ABI3BP: variants seen among roughly 807,000 people sequenced by gnomAD.
ABI3BP encodes the protein target of Nesh-SH3.
In ABI3BP, 216 loss-of-function variants were observed where a neutral mutation model predicts 268.6. The observed-to-expected ratio is 0.80, with a 90% confidence interval of 0.72 to 0.90. The LOEUF (loss-of-function observed/expected upper bound fraction) is 0.90, where lower values mean the gene tolerates loss of function less well. Ranked by LOEUF, ABI3BP falls within the 40% of genes least tolerant of loss-of-function variation. The pLI, the probability that ABI3BP is intolerant of heterozygous loss-of-function variation, is 0.00. For missense variants in ABI3BP, 2,090 were observed against 2,182.4 expected (o/e 0.96, Z 0.84); for synonymous variants, 730 against 730.0 (o/e 1.00, Z 0.00).
At chr3:100,985,078 A>C (rs1259091712) in intron 1 of ABI3BP, among the ~76,000 whole-genome samples, 1 of 151,590 alleles carries the variant, frequency 6.6e-6, no homozygotes, top group East Asian at 1.9e-4. Context: ...ACACAAGTTT[A>C]ATTAGACCTA....
At chr3:100,878,273 T>C (rs1156263307) in intron 6 of ABI3BP, among the ~76,000 whole-genome samples, 3 of 152,188 alleles carry the variant, frequency 2.0e-5, no homozygotes, top group Non-Finnish European at 2.9e-5. Context: ...CACAATTTTA[T>C]AAATACATGT....
At position 100,912,099 on chromosome 3, in the gene ABI3BP, C is replaced by A. The variant is rs926427676; in HGVS notation, c.260-9413G>T. ...TTACTTCCTTAAGAAGAACACCTTCCGTGTCCCAGACAGTGCTGGGGTTGT... is the reference window on the plus strand; with the variant it reads ...TTACTTCCTTAAGAAGAACACCTTCAGTGTCCCAGACAGTGCTGGGGTTGT... On this transcript the variant is annotated intron_variant, in intron 2 of 67. Transcript: ENST00000471714. 3 of 627,786 alleles carry A rather than the reference C, an allele frequency of 4.8e-6. No homozygotes were observed. In the Admixed American group the frequency reaches 6.5e-5, roughly 14 times the overall value. 38.9% of individuals were successfully genotyped at this position (627,786 alleles called of 1,614,324 possible).
intron 15 of ABI3BP, 143 bp from the exon 16 acceptor site, chr3:100,850,877 G>C (rs574214408): frequency 9.8e-6 from 6 of 611,968 alleles, no homozygotes; most frequent in African/African-American, 7.4e-5. Context: ...TTTAAAACTA[G>C]TGATACATCA....
chr3:100,901,892 T>C lies in ABI3BP; in HGVS notation c.328+726A>G, dbSNP rs2050602013. Among the ~76,000 whole-genome samples, 3 of 152,218 alleles carry C rather than the reference T, an allele frequency of 2.0e-5. 1 individual carries two copies. In the South Asian group the frequency reaches 6.2e-4, roughly 32 times the overall value. ...CTTATAGCAATGGTCAGCTATATTA[T>C]TTGATCTGAGAAGAAGTTTTGGTAG... On this transcript the variant is annotated intron_variant, in intron 3 of 67. Transcript: ENST00000471714.
At chr3:100,941,859 G>A (rs950353020) in intron 1 of ABI3BP, among the ~76,000 whole-genome samples, 1 of 152,118 alleles carries the variant, frequency 6.6e-6, no homozygotes, top group African/African-American at 2.4e-5. Context: ...ATACACAGGT[G>A]TCAATTGCAC....
intron 2 of ABI3BP, chr3:100,914,414 G>T (rs1298055768): frequency 8.8e-6 from 4 of 455,396 alleles, no homozygotes; most frequent in Non-Finnish European, 1.8e-5. Flanking sequence ...CATACTAAAG[G>T]TTAAACTACT....
chr3:100,751,748 AC>A (rs970974789), intron 66 of ABI3BP, 74 bp from the exon 67 acceptor site: 1 of 1,417,510 alleles, frequency 7.1e-7, no homozygotes, highest in Non-Finnish European at 9.4e-7. Flanking sequence ...AATCATCATT[AC>A]TGTTTTTGTA....
At chr3:100,959,213 G>A (rs1029283913) in intron 1 of ABI3BP, among the ~76,000 whole-genome samples, 5 of 152,120 alleles carry the variant, frequency 3.3e-5, no homozygotes, top group Non-Finnish European at 7.4e-5. Context: ...AGGCTGGGCC[G>A]GGCGCGGTGG....
chr3:100,824,429 A>G (rs1002871761), intron 36 of ABI3BP, among the ~76,000 whole-genome samples: 1 of 152,164 alleles, frequency 6.6e-6, no homozygotes, highest in Non-Finnish European at 1.5e-5. Flanking sequence ...AGGCAAACAT[A>G]TCTTCAACTC....
intron 55 of ABI3BP, among the ~76,000 whole-genome samples, chr3:100,791,026 A>G (rs2097183898): frequency 6.6e-6 from 1 of 151,890 alleles, no homozygotes; most frequent in African/African-American, 2.4e-5. Context: ...ATTTAAGTTT[A>G]GGTTGTAACT....
At chr3:100,879,426 C>T (rs1345664024) in intron 6 of ABI3BP, among the ~76,000 whole-genome samples, 6 of 152,158 alleles carry the variant, frequency 3.9e-5, no homozygotes, top group African/African-American at 4.8e-5. Flanking sequence ...ACTTAGCGCA[C>T]GTTTTGTTGA....
At chr3:100,867,768 T>C (rs2099068953) in intron 9 of ABI3BP, among the ~76,000 whole-genome samples, 3 of 152,082 alleles carry the variant, frequency 2.0e-5, no homozygotes, top group African/African-American at 7.2e-5. Flanking sequence ...TTGAAAATAT[T>C]TGTGGCAAAA....
chr3:100,993,169 C>T lies in ABI3BP; in HGVS notation c.79+137G>A, dbSNP rs150718724. ...AAAGTAAAAGTTTAAGAGACCCCTT[C>T]ACACATTTGAACTTTGAATCTCTGC... is the stretch of plus-strand genomic sequence containing the variant. On this transcript the variant is annotated intron_variant, in intron 1 of 67. Coordinates refer to ENST00000471714, the MANE Select transcript of ABI3BP (RefSeq NM_001375547.2). 5.1e-4 allele frequency: 304 copies of T among 601,150 alleles called. No homozygotes were observed. The African/African-American group carries it at 5.1e-3, about 10-fold the overall frequency. 37.2% of individuals were successfully genotyped at this position (601,150 alleles called of 1,614,324 possible).
At chr3:100,842,526 C>T (rs569608574) in intron 20 of ABI3BP, among the ~76,000 whole-genome samples, 3 of 152,356 alleles carry the variant, frequency 2.0e-5, no homozygotes, top group South Asian at 2.1e-4. Flanking sequence ...GCGACCACAA[C>T]TGTTCATATG....
chr3:100,806,727 A>C (rs568806677), intron 50 of ABI3BP, among the ~76,000 whole-genome samples: 1 of 152,060 alleles, frequency 6.6e-6, no homozygotes, highest in Non-Finnish European at 1.5e-5. Flanking sequence ...CTCTCATTAC[A>C]GTCTGGCAGC....
At chr3:100,906,711 C>A (rs539471160) in intron 2 of ABI3BP, among the ~76,000 whole-genome samples, 1 of 152,118 alleles carries the variant, frequency 6.6e-6, no homozygotes, top group Non-Finnish European at 1.5e-5. Context: ...TTTGAATGCC[C>A]TATTGTGGAG....
rs541196098 is a variant in ABI3BP at position 100,749,504 on chromosome 3, C to G, written c.*991G>C. 79 of 395,970 alleles carry G rather than the reference C, an allele frequency of 2.0e-4. No individual in the cohort carries two copies. Among genetic ancestry groups the G allele is most frequent in the Non-Finnish European group, 2.9e-4 (65 of 224,644 alleles). 24.5% of individuals were successfully genotyped at this position (395,970 alleles called of 1,614,324 possible). A position where few individuals can be genotyped will look rare whatever the true frequency, so the allele number is the denominator to read the frequency against. On this transcript the variant is annotated 3_prime_UTR_variant, in exon 68 of 68. Transcript: ENST00000471714. The stretch of plus-strand genomic sequence containing the variant: ...CCCATTCCCCGCCTAAAGGACAATA[C>G]CTTTTTAATAGAAATAAATGAGTTA...
intron 14 of ABI3BP, among the ~76,000 whole-genome samples, chr3:100,855,767 A>C (rs1470632531): frequency 6.6e-6 from 1 of 152,256 alleles, no homozygotes; most frequent in African/African-American, 2.4e-5. Context: ...GGAATTCTAA[A>C]AAAAATATAT....
chr3:100,850,016 T>C (rs1316393164), intron 17 of ABI3BP, 29 bp downstream of exon 17: 2 of 1,587,950 alleles, frequency 1.3e-6, no homozygotes, highest in Admixed American at 1.7e-5. Context: ...CGTCAATGCA[T>C]ACATAACTAC....
Sources: allele counts gnomAD v4.1 joint callset (sites outside exome capture counted in the v4.1 genomes callset), GRCh38; gene constraint gnomAD v4.1.1; transcripts MANE v1.5; gene names NCBI Gene and HGNC (gene_info 2026-07-23, HGNC 2026-07-21).